RESF1: variants seen among roughly 807,000 people sequenced by gnomAD.
RESF1 encodes the protein retroelement silencing factor 1, also known as gonad expressed transcript.
A neutral mutation model predicts 134.7 loss-of-function variants in RESF1; 65 were observed. That is an observed-to-expected ratio of 0.48 (90% CI 0.40 to 0.59). The LOEUF is 0.59. Among genes scored for constraint, RESF1 ranks in the 20% least tolerant of loss-of-function variants. The pLI, the probability that RESF1 is intolerant of heterozygous loss-of-function variation, is 0.00. For synonymous variants in RESF1, 762 were observed against 702.2 expected, an observed-to-expected ratio of 1.09 and a Z score of -1.35; for missense variants, 2,274 against 2,002.7, an observed-to-expected ratio of 1.14 and a Z score of -2.59.
Position 31,981,101 on chromosome 12 carries a change from C to G in RESF1, c.146C>G (p.Ala49Gly), listed in dbSNP as rs764491518. 8 of 1,614,052 alleles carry G rather than the reference C, an allele frequency of 5.0e-6. No individual in the cohort carries two copies. The highest frequency in any genetic ancestry group is 2.2e-5 in the East Asian group (1 of 44,890). Residue 49 changes from alanine (A) to glycine (G), a missense_variant, in exon 4 of 6, where the codon GCA becomes GGA. Transcript: ENST00000312561. ...AGCTATCCTGGAAGTAACCAAGAAGCATGCATGTATCCCGGTAATTCAAAT... is the reference window on the plus strand; with the variant it reads ...AGCTATCCTGGAAGTAACCAAGAAGGATGCATGTATCCCGGTAATTCAAAT... Reference protein sequence around the residue: ...SFSYPGSNQEACMYPGNSNPI... With the variant: ...SFSYPGSNQEGCMYPGNSNPI...
rs575139021 is a variant in RESF1 at position 31,972,312 on chromosome 12, G to A, written c.-79+1956G>A. Among the ~76,000 whole-genome samples the A allele has an allele frequency of 1.8e-4, 28 of 152,092 alleles. 1 individual carries two copies. The highest frequency in any genetic ancestry group is 5.1e-4 in the African/African-American group (21 of 41,518). On this transcript the variant is annotated intron_variant, in intron 3 of 5. Transcript: ENST00000312561. ...GGGACTTGGTGTTGGCATCAGAAGTGGGGGGCAGTCTCGGCTGGGCGCAGT... is the reference window on the plus strand; with the variant it reads ...GGGACTTGGTGTTGGCATCAGAAGTAGGGGGCAGTCTCGGCTGGGCGCAGT...
chr12:31,988,337 G>A (rs1453922374), intron 5 of RESF1, among the ~76,000 whole-genome samples: 1 of 151,878 alleles, frequency 6.6e-6, no homozygotes, highest in Admixed American at 6.6e-5. Context: ...AAATATTTGG[G>A]AAAAAAATTA....
intron 2 of RESF1, 66 bp from the exon 3 acceptor site, chr12:31,970,123 G>T (rs1416759389): frequency 6.6e-6 from 1 of 152,162 alleles, no homozygotes; most frequent in Non-Finnish European, 1.5e-5. Context: ...CACAGATATT[G>T]TTAATCTTAG....
rs118160668 is a variant in RESF1 at position 31,984,920 on chromosome 12, G to A, written c.3965G>A (p.Arg1322Gln). ...TATGAACAAGCTTCTCAGGAAACCCGACAGAAGAAACATGTAACACAGAAC... is the reference window on the plus strand; with the variant it reads ...TATGAACAAGCTTCTCAGGAAACCCAACAGAAGAAACATGTAACACAGAAC... ...ASYEQASQET[R>Q]QKKHVTQNSR... Residue 1322 changes from arginine to glutamine, a missense_variant, in exon 4 of 6, where the codon CGA (arginine) becomes CAA (glutamine). Coordinates refer to ENST00000312561, the MANE Select transcript of RESF1 (RefSeq NM_018169.4). 4.5e-5 allele frequency: 72 copies of A among 1,612,526 alleles called. No homozygotes were observed. Among genetic ancestry groups the A allele is most frequent in the East Asian group, 1.1e-4 (5 of 44,848 alleles).
At position 31,982,222 on chromosome 12, in the gene RESF1, G is replaced by A; in HGVS notation, c.1267G>A (p.Ala423Thr). The A allele has an allele frequency of 6.2e-7, 1 of 1,612,456 alleles. No homozygotes were observed. Among genetic ancestry groups the A allele is most frequent in the Non-Finnish European group, 8.5e-7 (1 of 1,179,620 alleles). ...TAAAATCAATAAAGATCTTTTGATG[G>A]CAGCAGGTTGTATTAAAATGACTAA... Reference protein sequence around the residue: ...KIKINKDLLMAAGCIKMTNTS... With the variant: ...KIKINKDLLMTAGCIKMTNTS... Residue 423 changes from alanine to threonine, a missense_variant, in exon 4 of 6, where the codon GCA becomes ACA. Transcript: ENST00000312561.
At chr12:31,972,861 C>A (rs960175228) in intron 3 of RESF1, among the ~76,000 whole-genome samples, 1 of 151,490 alleles carries the variant, frequency 6.6e-6, no homozygotes, top group African/African-American at 2.4e-5. Flanking sequence ...TATATAATTA[C>A]ATTTACCTCT....
rs759179895 is a variant in RESF1 at position 31,987,316 on chromosome 12, G to C, written c.5080G>C (p.Glu1694Gln). ...TKKRTQKDSQ[E>Q]RDNVNSRLSK... ...GAAAAGGACACAGAAAGACAGCCAA[G>C]AGAGAGGTAAAGTCATCTTTTTAAA... The change falls in exon 5 of 6, where the codon GAG becomes CAG. Residue 1694 changes from glutamate to glutamine, a missense_variant. By Grantham distance (29) the Glu-to-Gln change is conservative. Transcript: ENST00000312561. 6.3e-5 allele frequency: 101 copies of C among 1,591,164 alleles called. No individual in the cohort carries two copies. Among genetic ancestry groups the C allele is most frequent in the Non-Finnish European group, 8.6e-5 (100 of 1,160,960 alleles).
chr12:31,962,913 C>T (rs1180312030), intron 2 of RESF1, among the ~76,000 whole-genome samples: 1 of 151,420 alleles, frequency 6.6e-6, no homozygotes, highest in African/African-American at 2.4e-5. Context: ...GCCTGGCCAA[C>T]ATGGTGAAGC....
At chr12:31,961,302 T>C (rs1382539297) in intron 2 of RESF1, among the ~76,000 whole-genome samples, 2 of 152,214 alleles carry the variant, frequency 1.3e-5, no homozygotes, top group Non-Finnish European at 2.9e-5. Flanking sequence ...AACCACAAAG[T>C]GTGTTAGGAA....
Position 31,992,484 on chromosome 12 carries a change from G to A in RESF1, c.5193G>A (p.Gln1731=). ...DSKEMFQTYK[Q]MYLEKRSRSL... ...AAGAAATGTTTCAAACCTACAAACAGATGTACCTGGAGAAGAGAAGCAGAA... is the reference window on the plus strand; with the variant it reads ...AAGAAATGTTTCAAACCTACAAACAAATGTACCTGGAGAAGAGAAGCAGAA... The change falls in exon 6 of 6, where the codon CAG becomes CAA. Residue 1731 remains glutamine (Q), a synonymous_variant. Transcript: ENST00000312561. 1 of 1,614,014 alleles carries A rather than the reference G, an allele frequency of 6.2e-7. No individual in the cohort carries two copies. Among genetic ancestry groups the A allele is most frequent in the Non-Finnish European group, 8.5e-7 (1 of 1,179,942 alleles).
intron 5 of RESF1, among the ~76,000 whole-genome samples, chr12:31,990,629 C>G (rs1203176822): frequency 6.6e-6 from 1 of 152,044 alleles, no homozygotes. Flanking sequence ...TTAGCAGAGA[C>G]AGAGTTTCAC....
intron 2 of RESF1, among the ~76,000 whole-genome samples, chr12:31,964,583 C>T (rs1939356663): frequency 1.3e-5 from 2 of 152,146 alleles, no homozygotes; most frequent in African/African-American, 4.8e-5. Context: ...AATAGACATG[C>T]ACAATTTTAT....
At chr12:31,979,772 G>A (rs906989405) in intron 3 of RESF1, among the ~76,000 whole-genome samples, 2 of 151,188 alleles carry the variant, frequency 1.3e-5, no homozygotes, top group African/African-American at 4.9e-5. Flanking sequence ...TCCCAGGCTG[G>A]TCTTGAACTC....
intron 3 of RESF1, among the ~76,000 whole-genome samples, chr12:31,977,801 C>CTTTTTTTTTTTTTTTT (rs3075963): frequency 1.0e-4 from 13 of 124,394 alleles, no homozygotes; most frequent in East Asian, 7.8e-4. Context: ...TTCTTTCTTT[C>CTTTTTTTTTTTTTTTT]TTTTTTTTTT....
At chr12:31,976,560 G>A (rs1939638260) in intron 3 of RESF1, among the ~76,000 whole-genome samples, 1 of 152,072 alleles carries the variant, frequency 6.6e-6, no homozygotes, top group African/African-American at 2.4e-5. Context: ...GTGGGACCCT[G>A]TAATCCCTGC....
At chr12:31,989,535 AATACTT>A (rs1179027121) in intron 5 of RESF1, among the ~76,000 whole-genome samples, 3 of 151,950 alleles carry the variant, frequency 2.0e-5, no homozygotes, top group Non-Finnish European at 4.4e-5. Flanking sequence ...GCTTCAAACA[AATACTT>A]AGAAGCAGGC....
rs1592269593 is a variant in RESF1, at chr12:31,992,458, A to C, written c.5167A>C (p.Lys1723Gln). 1.9e-6 allele frequency: 3 copies of C among 1,614,034 alleles called. No individual in the cohort carries two copies. The highest frequency in any genetic ancestry group is 2.5e-6 in the Non-Finnish European group (3 of 1,179,928). Residue 1723 changes from lysine (K) to glutamine (Q), a missense_variant, in exon 6 of 6, where the codon AAA becomes CAA. Transcript: ENST00000312561. ...EMLQNPVKDSKEMFQTYKQMY... is the reference protein window; with the variant it reads ...EMLQNPVKDSQEMFQTYKQMY... ...GCTACAAAACCCAGTAAAAGATTCA[A>C]AAGAAATGTTTCAAACCTACAAACA...
At position 31,989,618 on chromosome 12, in the gene RESF1, G is replaced by A. The variant is rs1224826110; in HGVS notation, c.5086+2296G>A. ...TGTAATACCAGCACTTTGGGAGGCC[G>A]AGGCAGGCAGATCGCCTGAGGTCAG... is the stretch of plus-strand genomic sequence containing the variant. On this transcript the variant is annotated intron_variant, in intron 5 of 5. Transcript: ENST00000312561. Among the ~76,000 whole-genome samples the A allele has an allele frequency of 7.2e-5, 11 of 152,256 alleles. 3 individuals carry two copies. The highest frequency in any genetic ancestry group is 1.9e-4 in the East Asian group (1 of 5,184).
chr12:31,980,400 C>T lies in RESF1; in HGVS notation c.-78-478C>T, dbSNP rs185148946. Among the ~76,000 whole-genome samples, 450 of 152,204 alleles carry T rather than the reference C, an allele frequency of 3.0e-3. 3 individuals are homozygous for T. The highest frequency in any genetic ancestry group is 9.5e-3 in the African/African-American group (393 of 41,516). On this transcript the variant is annotated intron_variant, in intron 3 of 5. Coordinates refer to ENST00000312561, the MANE Select transcript of RESF1 (RefSeq NM_018169.4). ...TGCTAGGATTACAGGCATGAGCCACCGCACCCGGCCTTATGCCAGAAATTT... is the reference window on the plus strand; with the variant it reads ...TGCTAGGATTACAGGCATGAGCCACTGCACCCGGCCTTATGCCAGAAATTT...
Sources: allele counts gnomAD v4.1 joint callset (sites outside exome capture counted in the v4.1 genomes callset), GRCh38; gene constraint gnomAD v4.1.1; transcripts MANE v1.5; gene names NCBI Gene and HGNC (gene_info 2026-07-23, HGNC 2026-07-21).